ACCSL: variants seen among roughly 807,000 people sequenced by gnomAD.
ACCSL encodes the protein 1-aminocyclopropane-1-carboxylate synthase homolog (inactive) like.
In ACCSL, 55 loss-of-function variants were observed where a neutral mutation model predicts 61.7. The ratio of observed to expected loss-of-function variants is 0.89; its 90% CI spans 0.72 to 1.12. The LOEUF (loss-of-function observed/expected upper bound fraction) is 1.12. Among genes scored for constraint, ACCSL ranks in the 50% most tolerant of loss-of-function variants. The pLI is 0.00. For missense variants in ACCSL, 632 were observed against 698.0 expected, an observed-to-expected ratio of 0.91 and a Z score of 1.07; for synonymous variants, 258 against 264.3, an observed-to-expected ratio of 0.98 and a Z score of 0.23.
chr11:44,050,223 T>C (rs940596654), intron 2 of ACCSL, 102 bp downstream of exon 2: 1 of 990,874 alleles, frequency 1.0e-6, no homozygotes, highest in Non-Finnish European at 1.6e-6. Flanking sequence ...CATAGGAGCC[T>C]GGGAAGAGGA....
the ACCSL span, among the ~76,000 whole-genome samples, chr11:44,020,330 C>G: frequency 1.3e-5 from 2 of 151,644 alleles, no homozygotes; most frequent in Non-Finnish European, 2.9e-5. Context: ...ATTTCTTTTT[C>G]TTACTTGTCT....
At chr11:44,021,723 C>T in the ACCSL span, among the ~76,000 whole-genome samples, 82,981 of 151,906 alleles carry the variant, frequency 0.55, 22,988 homozygotes, top group Admixed American at 0.6. Context: ...TTTTCCAATG[C>T]TACCTTCTAG....
At chr11:44,050,441 T>G in intron 2 of ACCSL, 111 bp from the exon 3 acceptor site, 3 of 917,536 alleles carry the variant, frequency 3.3e-6, no homozygotes, top group Non-Finnish European at 5.2e-6. Context: ...CCCATTCCCT[T>G]TCTAGGAGGT....
At chr11:43,986,322 C>T in the ACCSL span, among the ~76,000 whole-genome samples, 1 of 133,004 alleles carries the variant, frequency 7.5e-6, no homozygotes, top group Non-Finnish European at 1.6e-5. Context: ...CCCACCCACT[C>T]TTTTTAAAGG....
At chr11:43,921,587 C>T in the ACCSL span, among the ~76,000 whole-genome samples, 1 of 152,202 alleles carries the variant, frequency 6.6e-6, no homozygotes, top group Non-Finnish European at 1.5e-5. Context: ...TGATGCATGA[C>T]ACTAGGAAAT....
the ACCSL span, among the ~76,000 whole-genome samples, chr11:44,006,775 G>C: frequency 6.6e-6 from 1 of 152,106 alleles, no homozygotes; most frequent in Non-Finnish European, 1.5e-5. Context: ...AAAGTGCTGG[G>C]AATACAGGCA....
chr11:43,987,453 T>A, the ACCSL span, among the ~76,000 whole-genome samples: 1 of 152,090 alleles, frequency 6.6e-6, no homozygotes, highest in Non-Finnish European at 1.5e-5. Context: ...GCAGGGTGGC[T>A]GACTCAGAGC....
In ACCSL at chr11:44,052,694, G is replaced by A. The variant is rs755513760; in HGVS notation, c.805G>A (p.Gly269Ser). Residue 269 changes from glycine (G) to serine (S), a missense_variant, in exon 6 of 14, where the codon GGC becomes AGC. Physicochemically the swap from Gly to Ser is moderately conservative, Grantham distance 56. Coordinates refer to ENST00000378832, the MANE Select transcript of ACCSL (RefSeq NM_001031854.2). ...CCTGGTCCCTGCTCCCTTCTATGGT[G>A]GCTTTGCCTTTAGCTCCCGCCTGTA... The part of the protein sequence containing the change: ...AFLVPAPFYG[G>S]FAFSSRLYAK... The A allele has an allele frequency of 6.2e-7, 1 of 1,614,172 alleles. No individual in the cohort carries two copies. Among genetic ancestry groups the A allele is most frequent in the Non-Finnish European group, 8.5e-7 (1 of 1,180,036 alleles).
chr11:44,025,323 T>A, the ACCSL span, among the ~76,000 whole-genome samples: 4 of 152,252 alleles, frequency 2.6e-5, no homozygotes, highest in African/African-American at 4.8e-5. Flanking sequence ...TCACTTTTTT[T>A]AAAAAATTAC....
the ACCSL span, among the ~76,000 whole-genome samples, chr11:43,938,368 A>G: frequency 6.6e-6 from 1 of 152,174 alleles, no homozygotes; most frequent in African/African-American, 2.4e-5. Context: ...CAGCCTTGCA[A>G]TTTTGTTGGT....
At chr11:44,005,158 A>T in the ACCSL span, among the ~76,000 whole-genome samples, 1 of 149,250 alleles carries the variant, frequency 6.7e-6, no homozygotes, top group Non-Finnish European at 1.5e-5. Flanking sequence ...GGTGAGGGGA[A>T]CTGTTTCAAT....
At chr11:43,927,779 C>G in the ACCSL span, among the ~76,000 whole-genome samples, 1 of 152,192 alleles carries the variant, frequency 6.6e-6, no homozygotes, top group Non-Finnish European at 1.5e-5. Flanking sequence ...GAAACTCCTG[C>G]CCTGCTTGAG....
chr11:43,923,230 T>A, the ACCSL span, among the ~76,000 whole-genome samples: 2 of 152,216 alleles, frequency 1.3e-5, no homozygotes, highest in Non-Finnish European at 2.9e-5. Flanking sequence ...GAGAAAGTCT[T>A]GACAAACGAC....
chr11:43,940,093 T>C, the ACCSL span, among the ~76,000 whole-genome samples: 1 of 152,192 alleles, frequency 6.6e-6, no homozygotes, highest in Non-Finnish European at 1.5e-5. Context: ...TCTTGCTTCT[T>C]TCCCAGCTCC....
chr11:44,014,983 A>T, the ACCSL span, among the ~76,000 whole-genome samples: 2 of 152,092 alleles, frequency 1.3e-5, no homozygotes, highest in Admixed American at 1.3e-4. Context: ...CCTCCCGGGG[A>T]TGTGATGATA....
chr11:43,942,096 G>A, the ACCSL span, among the ~76,000 whole-genome samples: 1 of 151,886 alleles, frequency 6.6e-6, no homozygotes, highest in Non-Finnish European at 1.5e-5. Flanking sequence ...GCCTGCGGAG[G>A]GGGGTGGCAA....
the ACCSL span, among the ~76,000 whole-genome samples, chr11:43,942,096 G>C: frequency 6.6e-6 from 1 of 151,886 alleles, no homozygotes; most frequent in South Asian, 2.1e-4. Context: ...GCCTGCGGAG[G>C]GGGGTGGCAA....
At chr11:43,942,458 G>T in the ACCSL span, 1 of 212,824 alleles carries the variant, frequency 4.7e-6, no homozygotes, top group Non-Finnish European at 9.8e-6. Flanking sequence ...TTCCGGAGCC[G>T]GTTGGCGGGG....
the ACCSL span, chr11:43,943,248 C>G: frequency 3.3e-6 from 5 of 1,522,232 alleles, no homozygotes; most frequent in Admixed American, 6.4e-5. This position sits in a 1 kb window ranked among gnomAD's most constrained non-coding sequence, Gnocchi z 4.8. Flanking sequence ...AGCCTGGACT[C>G]CAGCGACTCC....
Sources: gnomAD v4.1 joint callset for allele counts (sites outside exome capture counted in the v4.1 genomes callset) on GRCh38, gnomAD v4.1.1 for gene constraint, Gnocchi (gnomAD v3.1) non-coding constraint, MANE v1.5 for transcripts, NCBI Gene and HGNC (gene_info 2026-07-23, HGNC 2026-07-21) for gene names.